The following GPAT3 variants were observed in gnomAD, a reference collection of about 807,000 sequenced individuals.
GPAT3 encodes 1-AGP acyltransferase 9.
GPAT3 carries 53 observed loss-of-function variants against 58.8 expected under a neutral mutation model. The ratio of observed to expected loss-of-function variants is 0.90; its 90% CI spans 0.72 to 1.13. GPAT3 has a LOEUF of 1.13. Among genes scored for constraint, GPAT3 ranks in the 50% most tolerant of loss-of-function variants. The pLI, the probability that GPAT3 is intolerant of heterozygous loss-of-function variation, is 0.00. For missense variants in GPAT3, 511 were observed against 527.6 expected (o/e 0.97, Z 0.31); for synonymous variants, 197 against 187.4 (o/e 1.05, Z -0.42).
At chr4:83,580,811 A>G (rs1216756555) in intron 2 of GPAT3, among the ~76,000 whole-genome samples, 1 of 152,116 alleles carries the variant, frequency 6.6e-6, no homozygotes, top group African/African-American at 2.4e-5. Context: ...TATATTAAAA[A>G]ATCGGCCGGG....
Position 83,598,703 on chromosome 4 carries a change from A to T in GPAT3, c.1185A>T (p.Gly395=). The T allele has an allele frequency of 1.3e-6, 2 of 1,494,998 alleles. No homozygotes were observed. The highest frequency in any genetic ancestry group is 2.9e-5 in the East Asian group (1 of 34,840). 92.6% of individuals were successfully genotyped at this position (1,494,998 alleles called of 1,614,324 possible). ...NRVKSAIAIQ[G]GLTELPWDGG... is the part of the protein sequence containing the mutation. ...TTAAGTCTGCTATTGCTATACAAGGAGGCCTGACTGAACTTCCCTGGTAAG... is the reference window on the plus strand; with the variant it reads ...TTAAGTCTGCTATTGCTATACAAGGTGGCCTGACTGAACTTCCCTGGTAAG... The change falls in exon 11 of 12, where the codon GGA becomes GGT. Residue 395 remains glycine, a synonymous_variant. Coordinates refer to ENST00000264409, the MANE Select transcript of GPAT3 (RefSeq NM_032717.5).
At chr4:83,564,935 T>C (rs925218613) in intron 2 of GPAT3, among the ~76,000 whole-genome samples, 50 of 151,922 alleles carry the variant, frequency 3.3e-4, no homozygotes, top group African/African-American at 1.2e-3. Context: ...TTGATTACTT[T>C]TATGGTTTTA....
At chr4:83,565,310 G>A (rs1344650102) in intron 2 of GPAT3, among the ~76,000 whole-genome samples, 4 of 151,232 alleles carry the variant, frequency 2.6e-5, no homozygotes, top group South Asian at 2.1e-4. Flanking sequence ...CATGTTGACC[G>A]GGCTGGTCTC....
At chr4:83,563,880 C>A (rs1302036988) in intron 2 of GPAT3, among the ~76,000 whole-genome samples, 4 of 152,140 alleles carry the variant, frequency 2.6e-5, no homozygotes, top group African/African-American at 9.7e-5. Context: ...TCCCATAAAC[C>A]TTTCTCTATT....
intron 2 of GPAT3, among the ~76,000 whole-genome samples, chr4:83,561,005 T>C (rs1029406705): frequency 1.4e-4 from 21 of 152,326 alleles, no homozygotes; most frequent in Admixed American, 4.6e-4. Flanking sequence ...TTACCCAATC[T>C]CAGGTATTTC....
chr4:83,593,089 A>T (rs1242775283), intron 6 of GPAT3, among the ~76,000 whole-genome samples: 3 of 147,624 alleles, frequency 2.0e-5, no homozygotes, highest in Non-Finnish European at 4.5e-5. Flanking sequence ...CTGGTCTCAA[A>T]CTCCTGACCT....
chr4:83,587,476 G>A (rs974027946), intron 4 of GPAT3, 147 bp downstream of exon 4: 1 of 748,676 alleles, frequency 1.3e-6, no homozygotes, highest in African/African-American at 1.8e-5. Context: ...ACCTGGGCTG[G>A]AGTGCAATGG....
intron 2 of GPAT3, among the ~76,000 whole-genome samples, chr4:83,580,968 T>C (rs924735435): frequency 6.6e-5 from 10 of 151,570 alleles, no homozygotes; most frequent in Admixed American, 5.3e-4. Context: ...TGGTGGCGGG[T>C]GCCTGTAGTC....
intron 2 of GPAT3, among the ~76,000 whole-genome samples, chr4:83,572,135 G>C (rs1474075249): frequency 1.3e-5 from 2 of 152,088 alleles, no homozygotes; most frequent in Non-Finnish European, 2.9e-5. Context: ...GTGGGCCCTG[G>C]TGTCTGTTTT....
chr4:83,598,353 A>G (rs933633893), intron 10 of GPAT3, among the ~76,000 whole-genome samples, 174 bp downstream of exon 10: 1 of 152,112 alleles, frequency 6.6e-6, no homozygotes, highest in African/African-American at 2.4e-5. Context: ...TTGAGAGATT[A>G]TTTTCCACGA....
At chr4:83,537,284 T>G (rs2110066122) in intron 1 of GPAT3, among the ~76,000 whole-genome samples, 1 of 152,344 alleles carries the variant, frequency 6.6e-6, no homozygotes, top group Middle Eastern at 3.4e-3. Flanking sequence ...CATGGAAATT[T>G]TATCTAACCA....
At chr4:83,552,421 T>C (rs903379139) in intron 2 of GPAT3, among the ~76,000 whole-genome samples, 4 of 152,222 alleles carry the variant, frequency 2.6e-5, no homozygotes, top group African/African-American at 4.8e-5. Flanking sequence ...ATTAGTGTAT[T>C]GGTCCCCACT....
chr4:83,591,046 G>A (rs1275133483), intron 6 of GPAT3, among the ~76,000 whole-genome samples: 1 of 152,144 alleles, frequency 6.6e-6, no homozygotes. Flanking sequence ...TAGAATGCCT[G>A]GACAAGGGTC....
At position 83,536,557 on chromosome 4, in the gene GPAT3, G is replaced by C. The variant is rs1481918174; in HGVS notation, c.-66G>C. 1.3e-6 allele frequency: 2 copies of C among 1,564,334 alleles called. No homozygotes were observed. The highest frequency in any genetic ancestry group is 4.5e-5 in the East Asian group (2 of 44,010). ...CCTGGAGCTCCCGCGGGACTGCCTG[G>C]GGACAGGGACTGCTGTGGCGCTCGG... is the stretch of plus-strand genomic sequence containing the variant. On this transcript the variant is annotated 5_prime_UTR_variant, in exon 1 of 12. Transcript: ENST00000264409.
At chr4:83,582,289 C>A (rs571929024) in intron 3 of GPAT3, among the ~76,000 whole-genome samples, 1 of 152,208 alleles carries the variant, frequency 6.6e-6, no homozygotes, top group Non-Finnish European at 1.5e-5. Flanking sequence ...TGTGGTTACA[C>A]GTGGGAGAGA....
chr4:83,562,195 ATATAATATATATATAT>A (rs1428520772), intron 2 of GPAT3, among the ~76,000 whole-genome samples: 6 of 44,488 alleles, frequency 1.3e-4, no homozygotes, highest in African/African-American at 6.6e-4. Context: ...ATATATATAT[ATATAATATATATATAT>A]TATATATATA....
intron 6 of GPAT3, among the ~76,000 whole-genome samples, chr4:83,592,398 C>T (rs1474553237): frequency 6.6e-6 from 1 of 152,130 alleles, no homozygotes; most frequent in Non-Finnish European, 1.5e-5. Flanking sequence ...CATAATTGGC[C>T]TCTTTTGACT....
At chr4:83,561,044 C>G (rs1334165995) in intron 2 of GPAT3, among the ~76,000 whole-genome samples, 1 of 152,170 alleles carries the variant, frequency 6.6e-6, no homozygotes, top group African/African-American at 2.4e-5. Flanking sequence ...CAGACTAATA[C>G]AACTGGCGTC....
At chr4:83,545,336 A>G (rs1479426269) in intron 2 of GPAT3, among the ~76,000 whole-genome samples, 1 of 151,808 alleles carries the variant, frequency 6.6e-6, no homozygotes, top group East Asian at 1.9e-4. Flanking sequence ...AGCTACTCAG[A>G]GTGGGGTCCT....
Sources: allele counts gnomAD v4.1 joint callset (sites outside exome capture counted in the v4.1 genomes callset), GRCh38; gene constraint gnomAD v4.1.1; transcripts MANE v1.5; gene names NCBI Gene and HGNC (gene_info 2026-07-23, HGNC 2026-07-21).